Variants in RNF24 observed in about 807,000 individuals in gnomAD.
RNF24 encodes ring finger protein 24.
A neutral mutation model predicts 20.0 loss-of-function variants in RNF24; 14 were observed. The observed-to-expected ratio is 0.70, with a 90% CI of 0.46 to 1.10. The LOEUF is 1.10. RNF24 is among the 50% of genes least tolerant of loss of function. RNF24 has a pLI of 0.00. For missense variants in RNF24, 124 were observed against 177.6 expected (o/e 0.70, Z 1.71); for synonymous variants, 45 against 61.1 (o/e 0.74, Z 1.23).
At chr20:3,975,217 T>C (rs1195358569) in intron 1 of RNF24, among the ~76,000 whole-genome samples, 1 of 152,074 alleles carries the variant, frequency 6.6e-6, no homozygotes, top group East Asian at 1.9e-4. Flanking sequence ...GGCAAAAAAA[T>C]TGAATCTTGA....
At chr20:4,007,468 T>C (rs1241541116) in intron 1 of RNF24, among the ~76,000 whole-genome samples, 2 of 152,064 alleles carry the variant, frequency 1.3e-5, no homozygotes, top group African/African-American at 4.8e-5. Context: ...GTTGATGATA[T>C]ATTGGGTGTT....
rs965864392 is a variant in RNF24, at chr20:3,932,235, C to T, written c.*1828G>A. ...TCACTATAAACGGGGTGTTTTGTGG[C>T]ATTCAACTCTGTTGTGCTACAAATA... On this transcript the variant is annotated 3_prime_UTR_variant, in exon 6 of 6. Coordinates refer to ENST00000358395, the MANE Select transcript of RNF24 (RefSeq NM_001134337.3). 1.3e-5 allele frequency: 2 copies of T among 152,126 alleles called. No homozygotes were observed. Among genetic ancestry groups the T allele is most frequent in the African/African-American group, 4.8e-5 (2 of 41,424 alleles). The allele number at this position is 152,126 out of a possible 1,614,324, so 9.4% of individuals were successfully genotyped here. A position where few individuals can be genotyped will look rare whatever the true frequency, so the allele number is the denominator to read the frequency against.
chr20:4,014,149 G>A (rs1287098147), intron 1 of RNF24, among the ~76,000 whole-genome samples: 1 of 152,206 alleles, frequency 6.6e-6, no homozygotes, highest in African/African-American at 2.4e-5. Flanking sequence ...CCTGTAAGAG[G>A]AGCCATTGAG....
chr20:3,984,738 A>G (rs1421010952), intron 1 of RNF24, among the ~76,000 whole-genome samples: 2 of 152,132 alleles, frequency 1.3e-5, no homozygotes, highest in Non-Finnish European at 2.9e-5. Context: ...GTTTGAGTTT[A>G]AAGTTTGAGG....
At chr20:3,974,505 T>C in intron 1 of RNF24, 1 of 1,138,356 alleles carries the variant, frequency 8.8e-7, no homozygotes, top group Non-Finnish European at 1.1e-6. Context: ...AACAACAAAA[T>C]CCCAAAGAAT....
chr20:4,002,425 C>A (rs992788484), intron 1 of RNF24, among the ~76,000 whole-genome samples: 1 of 151,938 alleles, frequency 6.6e-6, no homozygotes, highest in East Asian at 1.9e-4. Flanking sequence ...CAAAACAAAA[C>A]CTCAGCAAAG....
At chr20:4,014,598 T>G (rs1291234414) in intron 1 of RNF24, among the ~76,000 whole-genome samples, 2 of 152,148 alleles carry the variant, frequency 1.3e-5, no homozygotes, top group Admixed American at 1.3e-4. Flanking sequence ...GGTTTTACAG[T>G]GAGAAAAAAC....
chr20:4,004,884 T>C (rs1981717482), intron 1 of RNF24, among the ~76,000 whole-genome samples: 1 of 152,240 alleles, frequency 6.6e-6, no homozygotes, highest in Non-Finnish European at 1.5e-5. Flanking sequence ...CATTTTTATT[T>C]ACTGCAGTAG....
At chr20:3,955,649 T>C (rs2091133782) in intron 2 of RNF24, among the ~76,000 whole-genome samples, 1 of 152,186 alleles carries the variant, frequency 6.6e-6, no homozygotes, top group Admixed American at 6.6e-5. Flanking sequence ...TTGCTTTTTC[T>C]ATTTCTGTAA....
chr20:3,981,593 C>T (rs1979385982), intron 1 of RNF24, among the ~76,000 whole-genome samples: 1 of 151,700 alleles, frequency 6.6e-6, no homozygotes, highest in African/African-American at 2.4e-5. Context: ...GCAACCTCCA[C>T]CTCCCAGGTT....
At chr20:3,955,115 G>GT (rs1219312093) in intron 2 of RNF24, among the ~76,000 whole-genome samples, 16 of 152,284 alleles carry the variant, frequency 1.1e-4, no homozygotes, top group Middle Eastern at 3.4e-3. Flanking sequence ...GACCAATAAT[G>GT]TCAAACATCT....
intron 1 of RNF24, among the ~76,000 whole-genome samples, chr20:4,007,290 G>A (rs535546168): frequency 5.3e-5 from 8 of 152,094 alleles, no homozygotes; most frequent in Non-Finnish European, 1.0e-4. Flanking sequence ...AATCCCTTAG[G>A]GTTAGAAGTA....
intron 1 of RNF24, among the ~76,000 whole-genome samples, chr20:3,973,019 T>C (rs1370711301): frequency 1.3e-5 from 2 of 151,704 alleles, no homozygotes; most frequent in African/African-American, 4.8e-5. Flanking sequence ...CCTAGCCAAC[T>C]AGGTAAAACC....
intron 2 of RNF24, among the ~76,000 whole-genome samples, chr20:3,951,267 A>T (rs1019569114): frequency 6.6e-5 from 10 of 151,804 alleles, no homozygotes; most frequent in Non-Finnish European, 1.5e-4. Flanking sequence ...AGCCACCTCT[A>T]ATTTGTTGAG....
intron 1 of RNF24, among the ~76,000 whole-genome samples, chr20:4,007,249 C>T (rs754761971): frequency 2.0e-5 from 3 of 152,138 alleles, no homozygotes; most frequent in South Asian, 2.1e-4. Context: ...TAAGCTAAAA[C>T]AGACTATTTA....
At chr20:3,976,417 C>G (rs1292438130) in intron 1 of RNF24, among the ~76,000 whole-genome samples, 1 of 152,194 alleles carries the variant, frequency 6.6e-6, no homozygotes, top group Non-Finnish European at 1.5e-5. Flanking sequence ...AGCACTTTAT[C>G]TTGTTGGTGG....
intron 1 of RNF24, among the ~76,000 whole-genome samples, chr20:3,970,358 G>A (rs2091302516): frequency 6.6e-6 from 1 of 152,032 alleles, no homozygotes; most frequent in Admixed American, 6.5e-5. Context: ...GCTGTCAAAG[G>A]AAGCCAGTTA....
At chr20:3,935,591 G>C (rs773374483) in intron 4 of RNF24, among the ~76,000 whole-genome samples, 1 of 152,222 alleles carries the variant, frequency 6.6e-6, no homozygotes, top group African/African-American at 2.4e-5. Context: ...CTGTCCTTCT[G>C]TCAGTGTCTC....
chr20:3,954,450 A>G (rs1273222793), intron 2 of RNF24, among the ~76,000 whole-genome samples: 1 of 152,124 alleles, frequency 6.6e-6, no homozygotes, highest in East Asian at 1.9e-4. Context: ...ATTCCATTGT[A>G]TGTACATACA....
Sources: gnomAD v4.1 joint callset for allele counts (sites outside exome capture counted in the v4.1 genomes callset) on GRCh38, gnomAD v4.1.1 for gene constraint, MANE v1.5 for transcripts, NCBI Gene and HGNC (gene_info 2026-07-23, HGNC 2026-07-21) for gene names.